UST: variants seen among roughly 807,000 people sequenced by gnomAD.
The protein encoded by UST is uronyl 2-sulfotransferase.
Under a neutral mutation model 45.6 loss-of-function variants are expected in UST, and 21 were observed. The observed-to-expected ratio is 0.46, with a 90% confidence interval of 0.33 to 0.66. The LOEUF (loss-of-function observed/expected upper bound fraction) is 0.66, where lower values mean the gene tolerates loss of function less well. Among genes scored for constraint, UST ranks in the 30% least tolerant of loss-of-function variants. The pLI, the probability that UST is intolerant of heterozygous loss-of-function variation, is 0.02. For missense variants in UST, 463 were observed against 512.4 expected (o/e 0.90, Z 0.93); for synonymous variants, 215 against 200.6 (o/e 1.07, Z -0.61).
chr6:149,008,634 C>T (rs564858158), intron 5 of UST, among the ~76,000 whole-genome samples: 2 of 152,228 alleles, frequency 1.3e-5, no homozygotes, highest in South Asian at 2.1e-4. Context: ...GAAAATACAG[C>T]GGAATAAGAC....
chr6:149,029,043 G>A (rs1776095223), intron 7 of UST, among the ~76,000 whole-genome samples: 3 of 152,090 alleles, frequency 2.0e-5, no homozygotes, highest in Admixed American at 6.6e-5. Flanking sequence ...ATTTTCTCAA[G>A]AAAGTGCACT....
At chr6:149,062,226 CA>C (rs1256795212) in intron 7 of UST, among the ~76,000 whole-genome samples, 1 of 152,208 alleles carries the variant, frequency 6.6e-6, no homozygotes, top group Non-Finnish European at 1.5e-5. Context: ...CTCTCCAGAA[CA>C]ACCTGTGATC....
chr6:149,030,189 A>G (rs989655135), intron 7 of UST, among the ~76,000 whole-genome samples: 6 of 152,198 alleles, frequency 3.9e-5, no homozygotes, highest in African/African-American at 1.4e-4. Flanking sequence ...GCCAAGTCCT[A>G]AGGGACAGCA....
rs184816626 is a variant in UST, at chr6:149,032,746, T to A, written c.937+11265T>A. On this transcript the variant is annotated intron_variant, in intron 7 of 7. Transcript: ENST00000367463. The stretch of plus-strand genomic sequence containing the variant: ...CGGGAGAGCCCCAGATGCCCCCCTC[T>A]GTGTCTACCCCAGTTACTCAGTGTG... Among the ~76,000 whole-genome samples, 14 of 152,304 alleles carry A rather than the reference T, an allele frequency of 9.2e-5. No homozygotes were observed. In the East Asian group the frequency reaches 2.3e-3, roughly 25 times the overall value.
At chr6:148,931,558 A>G (rs1779921864) in intron 2 of UST, among the ~76,000 whole-genome samples, 1 of 152,268 alleles carries the variant, frequency 6.6e-6, no homozygotes, top group Admixed American at 6.5e-5. Flanking sequence ...ACTGCAAACT[A>G]GAACTAATTT....
At chr6:149,064,450 G>GCT in intron 7 of UST, among the ~76,000 whole-genome samples, 1 of 152,346 alleles carries the variant, frequency 6.6e-6, no homozygotes, top group East Asian at 1.9e-4. Flanking sequence ...CACAGAGAAA[G>GCT]CTCTCAAAGT....
chr6:149,020,571 C>A (rs536650637), intron 6 of UST, among the ~76,000 whole-genome samples: 1 of 152,312 alleles, frequency 6.6e-6, no homozygotes, highest in Non-Finnish European at 1.5e-5. Flanking sequence ...TTCATCATAT[C>A]ACCTTGCACA....
intron 1 of UST, among the ~76,000 whole-genome samples, chr6:148,884,608 G>A (rs1253288512): frequency 2.0e-5 from 3 of 152,062 alleles, no homozygotes; most frequent in Non-Finnish European, 4.4e-5. Context: ...GGTGGGGCCT[G>A]GGTGATGCAG....
At chr6:148,902,888 C>T (rs1295935354) in intron 2 of UST, among the ~76,000 whole-genome samples, 1 of 152,094 alleles carries the variant, frequency 6.6e-6, no homozygotes, top group Non-Finnish European at 1.5e-5. Flanking sequence ...GTTTCATTTA[C>T]AAGAGCTTGT....
intron 1 of UST, among the ~76,000 whole-genome samples, chr6:148,789,034 G>T (rs892407430): frequency 6.6e-6 from 1 of 152,190 alleles, no homozygotes; most frequent in Non-Finnish European, 1.5e-5. Flanking sequence ...ACTTAGCGTT[G>T]TCTTAGATCC....
At chr6:148,887,129 A>G in intron 2 of UST, 100 bp downstream of exon 2, 2 of 898,576 alleles carry the variant, frequency 2.2e-6, no homozygotes, top group Admixed American at 4.5e-5. Context: ...ATCATTCACA[A>G]GAAACAGTAG....
intron 1 of UST, among the ~76,000 whole-genome samples, chr6:148,763,866 T>C (rs974930612): frequency 6.6e-6 from 1 of 152,210 alleles, no homozygotes; most frequent in Non-Finnish European, 1.5e-5. Flanking sequence ...TGTCTGTTTT[T>C]GTACCAGTAC....
intron 2 of UST, among the ~76,000 whole-genome samples, chr6:148,902,249 TAGGATTTCACTCTGTAACCC>T (rs1430493941): frequency 6.6e-6 from 1 of 152,162 alleles, no homozygotes; most frequent in Non-Finnish European, 1.5e-5. Flanking sequence ...TCCAGAAAGA[TAGGATTTCACTCTGTAACCC>T]AGGCTGGAGT....
intron 3 of UST, among the ~76,000 whole-genome samples, chr6:148,945,344 C>T (rs1780215181): frequency 6.6e-6 from 1 of 152,188 alleles, no homozygotes; most frequent in African/African-American, 2.4e-5. Flanking sequence ...AATCCAAAAG[C>T]CATTCTCATC....
At chr6:148,798,189 A>G (rs1776986973) in intron 1 of UST, among the ~76,000 whole-genome samples, 1 of 152,164 alleles carries the variant, frequency 6.6e-6, no homozygotes, top group African/African-American at 2.4e-5. Context: ...GAGAATGAGA[A>G]TCTCCTGGAC....
At chr6:148,782,108 A>T (rs1776654651) in intron 1 of UST, among the ~76,000 whole-genome samples, 2 of 152,182 alleles carry the variant, frequency 1.3e-5, no homozygotes, top group Non-Finnish European at 2.9e-5. Flanking sequence ...TTTGAAACTC[A>T]GCTCTGTCAC....
chr6:149,051,957 G>A (rs921840829), intron 7 of UST, among the ~76,000 whole-genome samples: 2 of 152,138 alleles, frequency 1.3e-5, no homozygotes, highest in South Asian at 2.1e-4. Context: ...ATATATTTTT[G>A]ACATTTTTAC....
chr6:148,778,355 A>G (rs570916739), intron 1 of UST, among the ~76,000 whole-genome samples: 1 of 152,124 alleles, frequency 6.6e-6, no homozygotes, highest in East Asian at 1.9e-4. Context: ...CCTATTAGAG[A>G]TTTTTTTCTT....
At chr6:148,844,245 T>A (rs2114777009) in intron 1 of UST, among the ~76,000 whole-genome samples, 1 of 152,348 alleles carries the variant, frequency 6.6e-6, no homozygotes, top group Admixed American at 6.5e-5. Flanking sequence ...ACATTTTGTC[T>A]CTTTAATCCT....
Sources: allele counts gnomAD v4.1 joint callset (sites outside exome capture counted in the v4.1 genomes callset), GRCh38; gene constraint gnomAD v4.1.1; transcripts MANE v1.5; gene names NCBI Gene and HGNC (gene_info 2026-07-23, HGNC 2026-07-21).